Variants in RGS6 observed in about 807,000 individuals in gnomAD.
The protein encoded by RGS6 is regulator of G-protein signaling 6.
RGS6 carries 30 observed loss-of-function variants against 78.5 expected under a neutral mutation model. The ratio of observed to expected loss-of-function variants is 0.38; its 90% confidence interval spans 0.29 to 0.52. RGS6 has a LOEUF of 0.52. RGS6 is among the 20% of genes least tolerant of loss of function. RGS6 has a pLI of 0.85. For missense variants in RGS6, 495 were observed against 609.7 expected, an observed-to-expected ratio of 0.81 and a Z score of 1.98; for synonymous variants, 206 against 206.0, an observed-to-expected ratio of 1.00 and a Z score of 0.00.
chr14:72,412,758 G>T (rs2093514754), intron 3 of RGS6, among the ~76,000 whole-genome samples: 1 of 152,116 alleles, frequency 6.6e-6, no homozygotes, highest in African/African-American at 2.4e-5. Context: ...AGAGATTCTG[G>T]TATGTTGTGT....
At chr14:72,326,891 T>C (rs531623271) in intron 2 of RGS6, among the ~76,000 whole-genome samples, 36 of 152,284 alleles carry the variant, frequency 2.4e-4, no homozygotes, top group African/African-American at 7.9e-4. Context: ...GTATTTTTAA[T>C]AGAGATGGGG....
At chr14:72,090,866 A>C (rs1355140848) in intron 2 of RGS6, among the ~76,000 whole-genome samples, 1 of 151,614 alleles carries the variant, frequency 6.6e-6, no homozygotes, top group African/African-American at 2.4e-5. Context: ...CTGTTGGGGC[A>C]CTCGGTGAAG....
intron 2 of RGS6, among the ~76,000 whole-genome samples, chr14:72,189,882 A>T (rs2097300533): frequency 6.6e-6 from 1 of 152,176 alleles, no homozygotes; most frequent in African/African-American, 2.4e-5. Flanking sequence ...CAGGATCCAC[A>T]TATCTAACGG....
At chr14:71,867,897 T>C in the RGS6 span, among the ~76,000 whole-genome samples, 1 of 151,984 alleles carries the variant, frequency 6.6e-6, no homozygotes, top group Non-Finnish European at 1.5e-5. Context: ...AGACTACCCA[T>C]AGTGGGGCCA....
the RGS6 span, among the ~76,000 whole-genome samples, chr14:71,874,369 G>A: frequency 2.0e-5 from 3 of 152,050 alleles, no homozygotes; most frequent in African/African-American, 7.2e-5. Flanking sequence ...TCCCTTGTAA[G>A]TTGGATTCCT....
At chr14:72,355,515 TAGATATTTATTG>T (rs2080089701) in intron 3 of RGS6, among the ~76,000 whole-genome samples, 1 of 152,186 alleles carries the variant, frequency 6.6e-6, no homozygotes, top group Non-Finnish European at 1.5e-5. Context: ...TTTATTCATT[TAGATATTTATTG>T]AGTGTTCACT....
chr14:71,874,196 G>T, the RGS6 span, among the ~76,000 whole-genome samples: 2 of 152,038 alleles, frequency 1.3e-5, no homozygotes, highest in Non-Finnish European at 2.9e-5. Flanking sequence ...TTGGTAGCTT[G>T]ATGGGGATGG....
At chr14:72,324,573 T>C (rs910278166) in intron 2 of RGS6, among the ~76,000 whole-genome samples, 2 of 149,076 alleles carry the variant, frequency 1.3e-5, no homozygotes, top group African/African-American at 5.0e-5. Flanking sequence ...TACTCATTGT[T>C]CAATTCCCAC....
chr14:72,152,273 T>TGTGC lies in RGS6; in HGVS notation c.84+187399_84+187400insTGCG, dbSNP rs1555510359. On this transcript the variant is annotated intron_variant, in intron 2 of 17. Coordinates refer to ENST00000553525, the MANE Select transcript of RGS6 (RefSeq NM_001204424.2). ...GTGTGTGTGTGTGTGTGTGTGTGTGTGCGCATGCAGCCTTTAGAGGTCAGA... is the reference window on the plus strand; with the variant it reads ...GTGTGTGTGTGTGTGTGTGTGTGTGTGTGCGCGCATGCAGCCTTTAGAGGTCAGA... Among the ~76,000 whole-genome samples the TGTGC allele has an allele frequency of 1.2e-3, 179 of 149,238 alleles. 2 individuals carry two copies. Among genetic ancestry groups the TGTGC allele is most frequent in the African/African-American group, 4.1e-3 (168 of 40,540 alleles).
intron 2 of RGS6, among the ~76,000 whole-genome samples, chr14:72,048,503 T>C (rs902231270): frequency 6.6e-6 from 1 of 152,156 alleles, no homozygotes; most frequent in African/African-American, 2.4e-5. Context: ...TGAAGGACTT[T>C]TCTGGGCTGA....
intron 2 of RGS6, among the ~76,000 whole-genome samples, chr14:72,203,009 A>G (rs1426921125): frequency 6.6e-6 from 1 of 151,896 alleles, no homozygotes; most frequent in Admixed American, 6.6e-5. Context: ...TGAATAGCTG[A>G]GACTACAGGC....
At chr14:71,984,089 C>G (rs1034051026) in intron 2 of RGS6, among the ~76,000 whole-genome samples, 1 of 152,058 alleles carries the variant, frequency 6.6e-6, no homozygotes, top group Non-Finnish European at 1.5e-5. Context: ...CTACCATTTA[C>G]CAGATACTGC....
the RGS6 span, among the ~76,000 whole-genome samples, chr14:71,884,310 C>G: frequency 1.3e-5 from 2 of 152,120 alleles, no homozygotes; most frequent in Non-Finnish European, 2.9e-5. Context: ...AGCTGACAGT[C>G]CAGCCAGAGA....
At chr14:72,349,129 T>C (rs1026141613) in intron 2 of RGS6, among the ~76,000 whole-genome samples, 32 of 152,196 alleles carry the variant, frequency 2.1e-4, no homozygotes, top group Non-Finnish European at 5.9e-5. Flanking sequence ...ATCACGCCAC[T>C]GCACTCCAGC....
chr14:72,037,827 C>T (rs1047003651), intron 2 of RGS6, among the ~76,000 whole-genome samples: 71 of 151,812 alleles, frequency 4.7e-4, no homozygotes, highest in African/African-American at 1.7e-3. Context: ...CACTTTAAGT[C>T]AGTGAATTTT....
intron 2 of RGS6, among the ~76,000 whole-genome samples, chr14:72,276,051 A>G (rs1169687284): frequency 1.3e-5 from 2 of 152,154 alleles, no homozygotes; most frequent in African/African-American, 4.8e-5. Flanking sequence ...TCAATATTCT[A>G]ACCATTAGTG....
At chr14:72,248,745 A>G (rs1180940637) in intron 2 of RGS6, among the ~76,000 whole-genome samples, 3 of 152,232 alleles carry the variant, frequency 2.0e-5, no homozygotes, top group African/African-American at 7.2e-5. Flanking sequence ...GGCCATTGAC[A>G]TCTGTTAGAA....
At chr14:72,603,150 G>A in the RGS6 span, among the ~76,000 whole-genome samples, 958 of 152,268 alleles carry the variant, frequency 6.3e-3, 4 homozygotes, top group Non-Finnish European at 0.01. Flanking sequence ...TTGCCCCAGA[G>A]AAACATGGAG....
At chr14:72,068,054 TG>T (rs892641876) in intron 2 of RGS6, among the ~76,000 whole-genome samples, 2 of 152,214 alleles carry the variant, frequency 1.3e-5, no homozygotes, top group South Asian at 2.1e-4. Context: ...GAAATGCTGA[TG>T]GGGGGATACT....
Sources: gnomAD v4.1 joint callset for allele counts (sites outside exome capture counted in the v4.1 genomes callset) on GRCh38, gnomAD v4.1.1 for gene constraint, MANE v1.5 for transcripts, NCBI Gene and HGNC (gene_info 2026-07-23, HGNC 2026-07-21) for gene names.